The following GPHN variants were observed in gnomAD, a reference collection of about 807,000 sequenced individuals.
The protein encoded by GPHN is gephyrin.
In GPHN, 17 loss-of-function variants were observed where a neutral mutation model predicts 95.5. That is an observed-to-expected ratio of 0.18 (90% CI 0.12 to 0.27). The LOEUF (loss-of-function observed/expected upper bound fraction) is 0.27, where lower values mean the gene tolerates loss of function less well. GPHN is among the 10% of genes least tolerant of loss of function. The probability of loss-of-function intolerance (pLI) is 1.00; values close to 1 mark genes in which losing one functional copy is unlikely to be tolerated. For synonymous variants in GPHN, 320 were observed against 322.5 expected (o/e 0.99, Z 0.08); for missense variants, 660 against 978.1 (o/e 0.67, Z 4.34).
At chr14:67,340,189 A>T in the GPHN span, 3 of 415,992 alleles carry the variant, frequency 7.2e-6, no homozygotes, top group Non-Finnish European at 1.3e-5. Context: ...ATATATTTAA[A>T]AAAAAAATCA....
At chr14:67,033,248 A>T (rs1029554322) in intron 10 of GPHN, among the ~76,000 whole-genome samples, 12 of 152,156 alleles carry the variant, frequency 7.9e-5, no homozygotes, top group African/African-American at 2.9e-4. Context: ...AAGAAAAAAA[A>T]GGAACAGAAA....
chr14:66,839,898 G>A (rs1327931126), intron 4 of GPHN, among the ~76,000 whole-genome samples: 1 of 152,066 alleles, frequency 6.6e-6, no homozygotes, highest in East Asian at 1.9e-4. Context: ...CCTTCGAGAT[G>A]GCGCTGCTCT....
chr14:67,137,958 C>T (rs557998482), intron 17 of GPHN, among the ~76,000 whole-genome samples: 2 of 152,112 alleles, frequency 1.3e-5, no homozygotes, highest in Admixed American at 1.3e-4. Flanking sequence ...AATAGCCCCT[C>T]TAGTGGCAGT....
intron 4 of GPHN, among the ~76,000 whole-genome samples, chr14:66,870,736 T>C (rs1361780479): frequency 1.3e-5 from 2 of 152,182 alleles, no homozygotes. Context: ...CAAGGATAAC[T>C]TGATTCACAA....
At chr14:66,773,247 A>G (rs1039918882) in intron 2 of GPHN, among the ~76,000 whole-genome samples, 1 of 152,112 alleles carries the variant, frequency 6.6e-6, no homozygotes, top group Non-Finnish European at 1.5e-5. Flanking sequence ...GGCTGATAAC[A>G]TGGGGATAGT....
At chr14:67,426,344 A>T in the GPHN span, among the ~76,000 whole-genome samples, 1 of 152,142 alleles carries the variant, frequency 6.6e-6, no homozygotes, top group Admixed American at 6.5e-5. Flanking sequence ...TCAGCAAGGG[A>T]GTTAAGAATC....
At chr14:67,075,175 T>C (rs578252528) in intron 11 of GPHN, among the ~76,000 whole-genome samples, 45 of 152,320 alleles carry the variant, frequency 3.0e-4, no homozygotes, top group African/African-American at 9.6e-4. Context: ...CCAATACTCA[T>C]TGGCCATTCT....
the GPHN span, among the ~76,000 whole-genome samples, chr14:67,398,593 A>C: frequency 6.8e-6 from 1 of 146,264 alleles, no homozygotes; most frequent in Admixed American, 7.3e-5. Context: ...CACCTAAACG[A>C]CCCTTCTCTT....
At chr14:67,665,995 C>A in the GPHN span, among the ~76,000 whole-genome samples, 2 of 152,286 alleles carry the variant, frequency 1.3e-5, no homozygotes, top group Admixed American at 1.3e-4. Context: ...TGAAATAATA[C>A]CGACAGTCAA....
intron 5 of GPHN, among the ~76,000 whole-genome samples, chr14:66,897,621 A>G (rs2064921785): frequency 6.6e-6 from 1 of 152,150 alleles, no homozygotes; most frequent in African/African-American, 2.4e-5. Flanking sequence ...TCCATTAAGC[A>G]TAATTTCCTG....
the GPHN span, among the ~76,000 whole-genome samples, chr14:67,287,528 C>T: frequency 1.3e-5 from 2 of 152,058 alleles, no homozygotes; most frequent in Admixed American, 1.3e-4. Flanking sequence ...CATACCAGAT[C>T]CCAAAAATTA....
the GPHN span, chr14:67,575,403 C>A: frequency 6.2e-7 from 1 of 1,603,526 alleles, no homozygotes; most frequent in Non-Finnish European, 8.5e-7. Flanking sequence ...TAAAGCATGG[C>A]CACTCCAAGG....
At chr14:66,973,724 C>G (rs1041038012) in intron 9 of GPHN, among the ~76,000 whole-genome samples, 1 of 151,504 alleles carries the variant, frequency 6.6e-6, no homozygotes, top group Non-Finnish European at 1.5e-5. Context: ...ACGCCACTGC[C>G]GTCTAGACTG....
At chr14:66,892,713 C>G (rs2064583210) in intron 5 of GPHN, among the ~76,000 whole-genome samples, 1 of 151,866 alleles carries the variant, frequency 6.6e-6, no homozygotes, top group Admixed American at 6.6e-5. Flanking sequence ...CTAGAATAAC[C>G]AAATGCATAA....
chr14:66,940,857 T>C (rs1277735257), intron 8 of GPHN, among the ~76,000 whole-genome samples: 1 of 152,192 alleles, frequency 6.6e-6, no homozygotes, highest in Non-Finnish European at 1.5e-5. Context: ...AGCTGTGGAA[T>C]TGAGTCCTCC....
intron 1 of GPHN, among the ~76,000 whole-genome samples, chr14:66,644,643 A>T (rs761628179): frequency 6.5e-4 from 86 of 131,484 alleles, no homozygotes; most frequent in Non-Finnish European, 1.1e-3. Context: ...AATTTTAAAC[A>T]TGAGAAAGAA....
the GPHN span, among the ~76,000 whole-genome samples, chr14:67,624,937 T>C: frequency 3.3e-5 from 5 of 152,116 alleles, no homozygotes; most frequent in Non-Finnish European, 7.4e-5. Context: ...GGACAACCGA[T>C]AGCCTGCAAT....
intron 11 of GPHN, among the ~76,000 whole-genome samples, chr14:67,084,878 T>G (rs1488704432): frequency 6.6e-6 from 1 of 152,176 alleles, no homozygotes; most frequent in East Asian, 1.9e-4. Flanking sequence ...GCCCAGAATG[T>G]TTAAGATGTG....
intron 8 of GPHN, among the ~76,000 whole-genome samples, chr14:66,929,534 T>G (rs914326620): frequency 2.0e-5 from 3 of 152,150 alleles, no homozygotes; most frequent in Admixed American, 6.5e-5. Flanking sequence ...TCATATCCTC[T>G]TGCTGAATTG....
Sources: allele counts gnomAD v4.1 joint callset (sites outside exome capture counted in the v4.1 genomes callset), GRCh38; gene constraint gnomAD v4.1.1; transcripts MANE v1.5; gene names NCBI Gene and HGNC (gene_info 2026-07-23, HGNC 2026-07-21).